Variants in TMEM232 observed in about 807,000 individuals in gnomAD.
TMEM232 encodes transmembrane protein 232.
TMEM232 carries 80 observed loss-of-function variants against 78.8 expected under a neutral mutation model. The observed-to-expected ratio is 1.01, with a 90% CI of 0.85 to 1.22. The LOEUF (loss-of-function observed/expected upper bound fraction) is 1.22, where lower values mean the gene tolerates loss of function less well. Ranked by LOEUF, TMEM232 falls within the 50% of genes most tolerant of loss-of-function variation. TMEM232 has a pLI of 0.00. For missense variants in TMEM232, 881 were observed against 742.2 expected (o/e 1.19, Z -2.17); for synonymous variants, 297 against 254.3 (o/e 1.17, Z -1.60).
chr5:110,692,081 C>T (rs1016545361), intron 1 of TMEM232, among the ~76,000 whole-genome samples: 9 of 151,992 alleles, frequency 5.9e-5, no homozygotes, highest in Non-Finnish European at 1.0e-4. Context: ...CCACCACGCT[C>T]GGCTAATTTT....
chr5:110,391,254 A>G (rs1027599928), intron 3 of TMEM232, among the ~76,000 whole-genome samples: 6 of 150,880 alleles, frequency 4.0e-5, no homozygotes, highest in African/African-American at 1.5e-4. Flanking sequence ...ATGCTGGTAC[A>G]TGTCTATTAG....
intron 12 of TMEM232, among the ~76,000 whole-genome samples, chr5:110,465,318 C>T (rs773821728): frequency 2.6e-5 from 4 of 152,142 alleles, no homozygotes; most frequent in Non-Finnish European, 5.9e-5. Context: ...CTGTCATGTT[C>T]AACTTCTTAA....
chr5:110,650,147 G>A (rs1191430724), intron 2 of TMEM232, among the ~76,000 whole-genome samples: 2 of 151,672 alleles, frequency 1.3e-5, no homozygotes, highest in African/African-American at 2.4e-5. Context: ...ATTTATCTTT[G>A]TTCATTGTTA....
intron 8 of TMEM232, 126 bp from the exon 9 acceptor site, chr5:110,606,413 T>G (rs903798547): frequency 2.0e-6 from 2 of 1,011,644 alleles, no homozygotes; most frequent in Admixed American, 3.0e-5. Context: ...TACATTTATT[T>G]TCAATAAAGA....
chr5:110,645,332 T>C (rs1354212993), intron 2 of TMEM232, among the ~76,000 whole-genome samples: 1 of 151,124 alleles, frequency 6.6e-6, no homozygotes, highest in Non-Finnish European at 1.5e-5. Context: ...ATAAATAAAA[T>C]ACTAGCAAAG....
At chr5:110,451,624 A>G (rs958690041) in intron 12 of TMEM232, among the ~76,000 whole-genome samples, 3 of 151,956 alleles carry the variant, frequency 2.0e-5, no homozygotes, top group Non-Finnish European at 2.9e-5. Flanking sequence ...TGATTTTTTA[A>G]TGTTTTCATG....
intron 7 of TMEM232, among the ~76,000 whole-genome samples, chr5:110,624,419 G>A (rs1242947608): frequency 2.0e-5 from 3 of 151,996 alleles, no homozygotes; most frequent in African/African-American, 7.2e-5. Flanking sequence ...ATATGCAAAT[G>A]GAAGTTTGGC....
intron 2 of TMEM232, among the ~76,000 whole-genome samples, chr5:110,402,754 A>C (rs77442289): frequency 0.025 from 3,771 of 152,204 alleles, 88 homozygotes; most frequent in Admixed American, 0.066. Flanking sequence ...CTCAAAGTCC[A>C]GATGTCCAGA....
intron 12 of TMEM232, among the ~76,000 whole-genome samples, chr5:110,441,056 AC>A (rs996750712): frequency 1.3e-5 from 2 of 152,066 alleles, no homozygotes; most frequent in African/African-American, 4.8e-5. Context: ...GTGGCTCCTA[AC>A]TGCTTTGACG....
intron 10 of TMEM232, among the ~76,000 whole-genome samples, chr5:110,592,295 A>G: frequency 6.6e-6 from 1 of 152,172 alleles, no homozygotes; most frequent in East Asian, 1.9e-4. Flanking sequence ...TCCTTGGGAC[A>G]TCTTTACCTA....
At chr5:110,612,258 T>G (rs1175913555) in intron 8 of TMEM232, among the ~76,000 whole-genome samples, 2 of 152,170 alleles carry the variant, frequency 1.3e-5, no homozygotes, top group Non-Finnish European at 2.9e-5. Flanking sequence ...TCATGTCTTC[T>G]GGTTTCAGGT....
intron 2 of TMEM232, chr5:110,397,899 T>C (rs1433517242): frequency 6.6e-6 from 1 of 152,622 alleles, no homozygotes; most frequent in Non-Finnish European, 1.5e-5. Flanking sequence ...AAAACCATTA[T>C]TGATAGTCTG....
intron 12 of TMEM232, among the ~76,000 whole-genome samples, chr5:110,432,951 A>G (rs1337225443): frequency 2.0e-5 from 3 of 151,820 alleles, no homozygotes; most frequent in African/African-American, 7.2e-5. Flanking sequence ...CTAACTATAT[A>G]TGCACTCAAT....
At chr5:110,697,073 C>T (rs1794879827) in intron 1 of TMEM232, among the ~76,000 whole-genome samples, 1 of 152,206 alleles carries the variant, frequency 6.6e-6, no homozygotes, top group Admixed American at 6.5e-5. Context: ...GTAACCAAAA[C>T]AGCATGGTAC....
chr5:110,482,219 G>A (rs1366259321), intron 12 of TMEM232, among the ~76,000 whole-genome samples: 1 of 151,962 alleles, frequency 6.6e-6, no homozygotes, highest in Non-Finnish European at 1.5e-5. Flanking sequence ...GAAATATAAA[G>A]TAACCTTAAT....
intron 2 of TMEM232, among the ~76,000 whole-genome samples, chr5:110,644,173 T>C (rs2150029274): frequency 6.6e-6 from 1 of 152,062 alleles, no homozygotes; most frequent in Middle Eastern, 3.4e-3. Context: ...TTCCTGATTT[T>C]CATTCCATTC....
At chr5:110,491,788 A>G (rs1353724348) in intron 12 of TMEM232, among the ~76,000 whole-genome samples, 1 of 151,996 alleles carries the variant, frequency 6.6e-6, no homozygotes, top group African/African-American at 2.4e-5. Flanking sequence ...CTCTGCAAAG[A>G]TTTAAAATAT....
chr5:110,409,529 T>G (rs1169510499), intron 2 of TMEM232, among the ~76,000 whole-genome samples: 1 of 152,206 alleles, frequency 6.6e-6, no homozygotes, highest in Admixed American at 6.5e-5. Context: ...ATGATATATC[T>G]CTGGTCAGTA....
At chr5:110,710,258 T>C (rs1796333621) in intron 1 of TMEM232, among the ~76,000 whole-genome samples, 1 of 151,896 alleles carries the variant, frequency 6.6e-6, no homozygotes, top group African/African-American at 2.4e-5. Context: ...TAATATCAAA[T>C]CCATAATAAA....
Sources: gnomAD v4.1 joint callset for allele counts (sites outside exome capture counted in the v4.1 genomes callset) on GRCh38, gnomAD v4.1.1 for gene constraint, MANE v1.5 for transcripts, NCBI Gene and HGNC (gene_info 2026-07-23, HGNC 2026-07-21) for gene names.